RAB33A: variants seen among roughly 807,000 people sequenced by gnomAD.
RAB33A encodes the protein ras-related protein Rab-33A.
A neutral mutation model predicts 12.0 loss-of-function variants in RAB33A; 6 were observed. The ratio of observed to expected loss-of-function variants is 0.50; its 90% CI spans 0.27 to 0.99. RAB33A has a LOEUF of 0.99. Among genes scored for constraint, RAB33A ranks in the 50% least tolerant of loss-of-function variants. RAB33A has a pLI of 0.11. For synonymous variants in RAB33A, 70 were observed against 82.4 expected (o/e 0.85, Z 0.81); for missense variants, 109 against 192.0 (o/e 0.57, Z 2.55).
chrX:130,176,516 A>G (rs936007106), intron 1 of RAB33A, among the ~76,000 whole-genome samples: 12 of 110,750 alleles, frequency 1.1e-4, no homozygotes, highest in Admixed American at 9.5e-4. Context: ...TCACTGGGGG[A>G]AAAAAAATAC....
chrX:130,172,423 G>C (rs2031621016), intron 1 of RAB33A, 103 bp downstream of exon 1: 1 of 1,041,068 alleles, frequency 9.6e-7, no homozygotes, highest in South Asian at 2.3e-5. Flanking sequence ...GCGCGTGGCG[G>C]TTTCGCCTCT....
intron 1 of RAB33A, among the ~76,000 whole-genome samples, chrX:130,178,885 C>A (rs1241559059): frequency 9.2e-6 from 1 of 108,460 alleles, no homozygotes; most frequent in Admixed American, 9.9e-5. Context: ...ATCTCCTGAC[C>A]TTGTGATCCA....
the RAB33A span, among the ~76,000 whole-genome samples, chrX:130,130,352 C>T: frequency 8.9e-6 from 1 of 111,913 alleles, no homozygotes; most frequent in Middle Eastern, 4.2e-3. Flanking sequence ...GTGACAAAGC[C>T]AAGGAAAGGT....
the RAB33A span, among the ~76,000 whole-genome samples, chrX:130,156,108 C>G: frequency 3.0e-4 from 33 of 111,603 alleles, no homozygotes; most frequent in Non-Finnish European, 6.0e-4. Flanking sequence ...AAATATTGTG[C>G]TAAGGAGCTG....
At chrX:130,175,151 A>C (rs1414472089) in intron 1 of RAB33A, among the ~76,000 whole-genome samples, 2 of 111,910 alleles carry the variant, frequency 1.8e-5, no homozygotes, top group East Asian at 5.6e-4. Context: ...GACTGAGGCT[A>C]AGAGAGATGA....
the RAB33A span, among the ~76,000 whole-genome samples, chrX:130,157,423 C>T: frequency 8.9e-6 from 1 of 111,837 alleles, no homozygotes; most frequent in South Asian, 3.6e-4. Flanking sequence ...GATTACTCCT[C>T]GTGTTTGTTG....
At chrX:130,129,419 A>G in the RAB33A span, 11 of 536,867 alleles carry the variant, frequency 2.0e-5, no homozygotes, top group Non-Finnish European at 3.3e-5. Context: ...ATTTACCTAC[A>G]TAGTTGAAAA....
chrX:130,116,437 G>C, the RAB33A span, among the ~76,000 whole-genome samples: 1 of 111,816 alleles, frequency 8.9e-6, no homozygotes, highest in South Asian at 3.7e-4. Context: ...GGAACTACAG[G>C]TGCGCATCAC....
chrX:130,147,662 T>A, the RAB33A span: 1 of 1,211,747 alleles, frequency 8.3e-7, no homozygotes. Flanking sequence ...CAGAGCCAAG[T>A]CATTTAAGGG....
the RAB33A span, chrX:130,130,226 G>A: frequency 6.0e-6 from 7 of 1,165,667 alleles, no homozygotes; most frequent in East Asian, 2.1e-4. Context: ...CAGTTATTAT[G>A]AGCTTGGGAA....
At chrX:130,112,094 G>A in the RAB33A span, among the ~76,000 whole-genome samples, 1 of 111,867 alleles carries the variant, frequency 8.9e-6, no homozygotes, top group African/African-American at 3.2e-5. Flanking sequence ...CAGGACTGGG[G>A]GACAGGAGTG....
chrX:130,119,688 G>A, the RAB33A span, among the ~76,000 whole-genome samples: 457 of 112,191 alleles, frequency 4.1e-3, 1 homozygote, highest in African/African-American at 0.014. Flanking sequence ...GAGACAGGCG[G>A]TATTTCTCCT....
chrX:130,137,307 C>A, the RAB33A span: 7 of 1,185,564 alleles, frequency 5.9e-6, no homozygotes, highest in Non-Finnish European at 7.9e-6. Context: ...GCAATCCAGG[C>A]CGAGCGCCCA....
chrX:130,150,977 C>CAAAAA, the RAB33A span, among the ~76,000 whole-genome samples: 35 of 27,766 alleles, frequency 1.3e-3, no homozygotes, highest in African/African-American at 3.4e-3. Flanking sequence ...GACTCTGTCT[C>CAAAAA]AAAAAAAAAA....
intron 1 of RAB33A, among the ~76,000 whole-genome samples, chrX:130,172,729 C>T (rs886169355): frequency 1.8e-5 from 2 of 111,398 alleles, no homozygotes; most frequent in Non-Finnish European, 3.8e-5. Flanking sequence ...GCTTGGGTGC[C>T]GATAGGCTGC....
the RAB33A span, chrX:130,136,114 C>T: frequency 3.3e-6 from 4 of 1,211,803 alleles, no homozygotes; most frequent in Non-Finnish European, 1.1e-6. Flanking sequence ...AGTCTATTTC[C>T]AGGCCACCAG....
At chrX:130,128,043 T>C in the RAB33A span, among the ~76,000 whole-genome samples, 1 of 111,576 alleles carries the variant, frequency 9.0e-6, no homozygotes, top group Non-Finnish European at 1.9e-5. Context: ...TATGATCACA[T>C]TTGAGTAAAC....
In RAB33A at chrX:130,184,525, C is replaced by T. The variant is rs1208164532; in HGVS notation, c.499C>T (p.Leu167=). ...GATCCAGGTGCCCTCCAACTTAGCC[C>T]TGAAATTTGCTGATGCCCACAACAT... ...EQIQVPSNLA[L]KFADAHNMLL... is the part of the protein sequence containing the mutation. Residue 167 remains leucine, a synonymous_variant, in exon 2 of 2, where the codon CTG becomes TTG. Coordinates refer to ENST00000257017, the MANE Select transcript of RAB33A (RefSeq NM_004794.3). 8.3e-7 allele frequency: 1 copy of T among 1,211,705 alleles called. No individual in the cohort carries two copies.
At chrX:130,125,189 G>A in the RAB33A span, among the ~76,000 whole-genome samples, 3 of 111,712 alleles carry the variant, frequency 2.7e-5, no homozygotes, top group Non-Finnish European at 3.8e-5. Flanking sequence ...CGACAGTACC[G>A]GGCGAGCTTC....
Sources: allele counts gnomAD v4.1 joint callset (sites outside exome capture counted in the v4.1 genomes callset), GRCh38; gene constraint gnomAD v4.1.1; transcripts MANE v1.5; gene names NCBI Gene and HGNC (gene_info 2026-07-23, HGNC 2026-07-21).